SDHAF2: variants seen among roughly 807,000 people sequenced by gnomAD.
SDHAF2 encodes the protein succinate dehydrogenase assembly factor 2, mitochondrial.
Under a neutral mutation model 18.5 loss-of-function variants are expected in SDHAF2, and 21 were observed. The ratio of observed to expected loss-of-function variants is 1.13; its 90% CI spans 0.80 to 1.63. SDHAF2 has a LOEUF of 1.63. Ranked by LOEUF, SDHAF2 falls within the 40% of genes most tolerant of loss-of-function variation. The pLI, the probability that SDHAF2 is intolerant of heterozygous loss-of-function variation, is 0.00. For synonymous variants in SDHAF2, 84 were observed against 70.7 expected (o/e 1.19, Z -0.94); for missense variants, 195 against 200.3 (o/e 0.97, Z 0.16).
chr11:61,439,662 C>T (rs2134894811), intron 3 of SDHAF2, among the ~76,000 whole-genome samples: 1 of 152,354 alleles, frequency 6.6e-6, no homozygotes, highest in South Asian at 2.1e-4. Context: ...CTTATACAAT[C>T]ACTGGAAAGC....
In SDHAF2 at chr11:61,446,496, G is replaced by A; in HGVS notation, c.*425G>A. ...CAGCTCCCCGCCCTCAGTGGCCCAG[G>A]GCTTTGTTGAAGTGGAACTCCCCAC... On this transcript the variant is annotated 3_prime_UTR_variant, in exon 4 of 4. Coordinates refer to ENST00000301761, the MANE Select transcript of SDHAF2 (RefSeq NM_017841.4). 2.0e-6 allele frequency: 1 copy of A among 504,318 alleles called. No individual in the cohort carries two copies. Among genetic ancestry groups the A allele is most frequent in the Non-Finnish European group, 3.5e-6 (1 of 288,028 alleles). 31.2% of individuals were successfully genotyped at this position (504,318 alleles called of 1,614,324 possible). A position where few individuals can be genotyped will look rare whatever the true frequency, so the allele number is the denominator to read the frequency against.
chr11:61,430,268 G>C (rs941500900), intron 1 of SDHAF2, 86 bp downstream of exon 1: 1 of 1,562,092 alleles, frequency 6.4e-7, no homozygotes, highest in South Asian at 1.1e-5. Flanking sequence ...ATCTTGGGGA[G>C]AGTTCGTCTG....
Position 61,445,938 on chromosome 11 carries a change from C to A in SDHAF2, c.371-3C>A. ...ATTTTTTCTGCCCACTCTTCTCTTG[C>A]AGAAGCTAAACCAGCCCCAGAAATA... On this transcript the variant is annotated splice_region_variant and splice_polypyrimidine_tract_variant and intron_variant, in intron 3 of 3. Transcript: ENST00000301761. 3 of 1,614,172 alleles carry A rather than the reference C, an allele frequency of 1.9e-6. No homozygotes were observed. Among genetic ancestry groups the A allele is most frequent in the Non-Finnish European group, 2.5e-6 (3 of 1,180,042 alleles).
chr11:61,436,870 C>T (rs1862000252), intron 1 of SDHAF2: 1 of 1,288,570 alleles, frequency 7.8e-7, no homozygotes, highest in Non-Finnish European at 1.0e-6. Context: ...ACCTTGACAT[C>T]ATATCTTGAT....
Position 61,446,270 on chromosome 11 carries a change from TC to T in SDHAF2, c.*200del, listed in dbSNP as rs1590769506. 6 of 664,396 alleles carry T rather than the reference TC, an allele frequency of 9.0e-6. No individual in the cohort carries two copies. The East Asian group carries it at 1.6e-4, about 18-fold the overall frequency. 41.2% of individuals were successfully genotyped at this position (664,396 alleles called of 1,614,324 possible). A position where few individuals can be genotyped will look rare whatever the true frequency, so the allele number is the denominator to read the frequency against. On this transcript the variant is annotated 3_prime_UTR_variant, in exon 4 of 4. Transcript: ENST00000301761. ...GTGACTCATTCTCATACTTTTTTGT[TC>T]AGCTCTGAGCCTCAAAAGTGATTTG...
chr11:61,439,933 G>C (rs1862042003), intron 3 of SDHAF2, among the ~76,000 whole-genome samples: 1 of 152,182 alleles, frequency 6.6e-6, no homozygotes, highest in Admixed American at 6.6e-5. Context: ...GTGAACATAG[G>C]TTTTAGTTTT....
In SDHAF2 at chr11:61,437,633, T is replaced by C. The variant is rs770012985; in HGVS notation, c.45T>C (p.Ala15=). Residue 15 remains alanine (A), a synonymous_variant, in exon 2 of 4, where the codon GCT becomes GCC. Coordinates refer to ENST00000301761, the MANE Select transcript of SDHAF2 (RefSeq NM_017841.4). ...TGGTTTGTTCATTTCAGATGCTTGC[T>C]CTGTCAAGGCACAGCCTATTGTCTC... The part of the protein sequence containing the change: ...TVFSTSSLML[A]LSRHSLLSPL... 2 of 1,613,956 alleles carry C rather than the reference T, an allele frequency of 1.2e-6. No homozygotes were observed. The highest frequency in any genetic ancestry group is 1.7e-6 in the Non-Finnish European group (2 of 1,179,790).
chr11:61,430,305 C>A, intron 1 of SDHAF2, 123 bp downstream of exon 1: 1 of 1,255,212 alleles, frequency 8.0e-7, no homozygotes, highest in Non-Finnish European at 1.2e-6. Context: ...AAGGGCAGGC[C>A]CAGGGAGAGG....
At chr11:61,445,826 A>G in intron 3 of SDHAF2, 115 bp from the exon 4 acceptor site, 1 of 1,209,066 alleles carries the variant, frequency 8.3e-7, no homozygotes, top group South Asian at 1.2e-5. Flanking sequence ...AGAAGGATGG[A>G]GACAGTCTAT....
intron 1 of SDHAF2, chr11:61,436,802 G>A (rs1458101229): frequency 4.8e-6 from 5 of 1,033,032 alleles, no homozygotes; most frequent in East Asian, 6.0e-5. Flanking sequence ...TGTCTCCATC[G>A]GGGAAGGAGG....
chr11:61,430,294 C>CAAGG, intron 1 of SDHAF2, 112 bp downstream of exon 1: 1 of 1,390,214 alleles, frequency 7.2e-7, no homozygotes, highest in Non-Finnish European at 1.0e-6. Flanking sequence ...TAGCGCAGGG[C>CAAGG]AAGGGCAGGC....
intron 3 of SDHAF2, among the ~76,000 whole-genome samples, chr11:61,438,851 C>T (rs986387208): frequency 1.3e-5 from 2 of 152,044 alleles, no homozygotes; most frequent in Non-Finnish European, 2.9e-5. Context: ...TTGAGAGCAG[C>T]CTGGCCAACA....
rs142524384 is a variant in SDHAF2 at position 61,436,769 on chromosome 11, T to G, written c.37-856T>G. 1,710 of 714,086 alleles carry G rather than the reference T, an allele frequency of 2.4e-3. 27 individuals are homozygous for G. The African/African-American group carries it at 0.028, about 12-fold the overall frequency. The allele number at this position is 714,086 out of a possible 1,614,324, so 44.2% of individuals were successfully genotyped here. On this transcript the variant is annotated intron_variant, in intron 1 of 3. Transcript: ENST00000301761. ...TTCTGGATTTCTCACAGGGAATTGG[T>G]TTGTTTGTTGCTGTTGGCTCAGTGT... is the stretch of plus-strand genomic sequence containing the variant.
At chr11:61,438,643 A>G (rs1862027192) in intron 3 of SDHAF2, among the ~76,000 whole-genome samples, 1 of 152,216 alleles carries the variant, frequency 6.6e-6, no homozygotes, top group Non-Finnish European at 1.5e-5. Context: ...GCAAAAAGGA[A>G]TTTAGTGGAA....
intron 1 of SDHAF2, chr11:61,436,684 C>T: frequency 2.7e-6 from 1 of 376,932 alleles, no homozygotes; most frequent in Non-Finnish European, 5.2e-6. Flanking sequence ...ACAAATTTTT[C>T]TGCTGGATTC....
intron 3 of SDHAF2, 129 bp from the exon 4 acceptor site, chr11:61,445,812 T>C: frequency 8.9e-7 from 1 of 1,119,212 alleles, no homozygotes; most frequent in Non-Finnish European, 1.3e-6. Context: ...CGTGTATATT[T>C]AGAAGAAGGA....
intron 3 of SDHAF2, among the ~76,000 whole-genome samples, chr11:61,445,285 A>G (rs1271638792): frequency 6.6e-6 from 1 of 152,184 alleles, no homozygotes; most frequent in Non-Finnish European, 1.5e-5. Flanking sequence ...TGCCAGACCC[A>G]CTGCCGTAGA....
intron 1 of SDHAF2, 38 bp from the exon 2 acceptor site, chr11:61,437,587 T>A: frequency 6.6e-7 from 1 of 1,513,300 alleles, no homozygotes; most frequent in Non-Finnish European, 9.2e-7. Flanking sequence ...ATGATAGTCG[T>A]CATTATTGTA....
intron 3 of SDHAF2, among the ~76,000 whole-genome samples, chr11:61,439,320 C>A (rs905024744): frequency 2.6e-5 from 4 of 152,180 alleles, no homozygotes; most frequent in Non-Finnish European, 5.9e-5. Flanking sequence ...AGCCATATTT[C>A]AGCCCGGAAA....
Sources: allele counts gnomAD v4.1 joint callset (sites outside exome capture counted in the v4.1 genomes callset), GRCh38; gene constraint gnomAD v4.1.1; transcripts MANE v1.5; gene names NCBI Gene and HGNC (gene_info 2026-07-23, HGNC 2026-07-21).